Variants in CLASP1 observed in about 807,000 individuals in gnomAD.
The protein encoded by CLASP1 is CLIP-associating protein 1.
Under a neutral mutation model 192.3 loss-of-function variants are expected in CLASP1, and 38 were observed. The ratio of observed to expected loss-of-function variants is 0.20; its 90% CI spans 0.15 to 0.26. The LOEUF (loss-of-function observed/expected upper bound fraction) is 0.26. Among genes scored for constraint, CLASP1 ranks in the 10% least tolerant of loss-of-function variants. The pLI is 1.00. For synonymous variants in CLASP1, 691 were observed against 712.8 expected (o/e 0.97, Z 0.49); for missense variants, 1,433 against 1,932.5 (o/e 0.74, Z 4.85).
rs538289316 is a variant in CLASP1, at chr2:121,341,840, G to A, written c.4531-893C>T. Among the ~76,000 whole-genome samples the A allele has an allele frequency of 5.3e-5, 8 of 152,128 alleles. No homozygotes were observed. The South Asian group carries it at 1.7e-3, about 32-fold the overall frequency. ...ACATTCTTCTCAAGGGACACATTAA[G>A]TTTCAAATCTATTGAAATTTAATTT... On this transcript the variant is annotated intron_variant, in intron 39 of 39. Coordinates refer to ENST00000263710, the Ensembl canonical transcript of CLASP1.
At chr2:121,494,440 G>A (rs1368358502) in intron 8 of CLASP1, among the ~76,000 whole-genome samples, 3 of 152,160 alleles carry the variant, frequency 2.0e-5, no homozygotes, top group African/African-American at 7.2e-5. Flanking sequence ...CCAGTTACCA[G>A]CAGAGCCTGG....
intron 9 of CLASP1, among the ~76,000 whole-genome samples, chr2:121,466,891 G>A (rs549863897): frequency 6.6e-6 from 1 of 152,290 alleles, no homozygotes; most frequent in East Asian, 1.9e-4. Flanking sequence ...GTGCCATGGT[G>A]GTTTGCTGCA....
At chr2:121,382,391 A>G in intron 32 of CLASP1, 67 bp from the exon 34 acceptor site, 1 of 939,920 alleles carries the variant, frequency 1.1e-6, no homozygotes, top group East Asian at 2.7e-5. Flanking sequence ...GGAGGAGGAA[A>G]GCACTACACA....
intron 6 of CLASP1, among the ~76,000 whole-genome samples, chr2:121,522,880 C>T (rs1559508422): frequency 6.6e-6 from 1 of 152,240 alleles, no homozygotes; most frequent in Non-Finnish European, 1.5e-5. Flanking sequence ...CAGAAACCCA[C>T]TGGCACATGG....
At chr2:121,468,954 T>C (rs1268219842) in intron 9 of CLASP1, among the ~76,000 whole-genome samples, 1 of 152,166 alleles carries the variant, frequency 6.6e-6, no homozygotes, top group African/African-American at 2.4e-5. Context: ...TTTTCAGCGC[T>C]TTTGTGTTGA....
chr2:121,353,193 G>C (rs1458461624), intron 37 of CLASP1, among the ~76,000 whole-genome samples: 14 of 152,176 alleles, frequency 9.2e-5, no homozygotes, highest in Non-Finnish European at 1.8e-4. Context: ...GCTAGGTGTT[G>C]GTGGAGGAAT....
At chr2:121,511,061 A>AT (rs1244506664) in intron 7 of CLASP1, among the ~76,000 whole-genome samples, 1 of 152,184 alleles carries the variant, frequency 6.6e-6, no homozygotes, top group Non-Finnish European at 1.5e-5. Flanking sequence ...AGTAGAAAGT[A>AT]TGAGTATGCA....
At chr2:121,378,886 C>G (rs1348224295) in intron 33 of CLASP1, among the ~76,000 whole-genome samples, 1 of 151,682 alleles carries the variant, frequency 6.6e-6, no homozygotes, top group Non-Finnish European at 1.5e-5. Flanking sequence ...CACAACCAAT[C>G]CTGTACATTC....
At position 121,447,324 on chromosome 2, in the gene CLASP1, G is replaced by A. The variant is rs763384107; in HGVS notation, c.1912+13C>T. 7.6e-6 allele frequency: 12 copies of A among 1,585,282 alleles called. No homozygotes were observed. In the South Asian group the frequency reaches 1.2e-4, roughly 15 times the overall value. On this transcript the variant is annotated intron_variant, in intron 19 of 39. Coordinates refer to ENST00000263710, the Ensembl canonical transcript of CLASP1. ...GCAGTGCAGGAGGGAAAGGGTGACA[G>A]GGGTGTGGTTACCTAAGGATGCGTA... is the stretch of plus-strand genomic sequence containing the variant.
At chr2:121,579,759 T>C (rs1034968077) in intron 2 of CLASP1, among the ~76,000 whole-genome samples, 3 of 152,374 alleles carry the variant, frequency 2.0e-5, no homozygotes, top group African/African-American at 7.2e-5. Context: ...TCTGACTGCA[T>C]TGCTAATAAA....
At chr2:121,425,086 C>T in intron 22 of CLASP1, 53 bp downstream of exon 22, 1 of 1,521,496 alleles carries the variant, frequency 6.6e-7, no homozygotes, top group Non-Finnish European at 8.9e-7. Context: ...AGATTATAAT[C>T]AAAACTATGA....
At chr2:121,462,716 C>A in intron 9 of CLASP1, 111 bp from the exon 10 acceptor site, 1 of 665,662 alleles carries the variant, frequency 1.5e-6, no homozygotes. Context: ...AGATTCAGAA[C>A]ATTTTTTTAA....
intron 1 of CLASP1, among the ~76,000 whole-genome samples, chr2:121,632,762 G>C (rs1251944313): frequency 6.6e-6 from 1 of 151,962 alleles, no homozygotes; most frequent in African/African-American, 2.4e-5. Context: ...CAGGCATGGT[G>C]GCACATGCCT....
At chr2:121,472,863 G>A (rs182539934) in intron 8 of CLASP1, among the ~76,000 whole-genome samples, 1 of 152,368 alleles carries the variant, frequency 6.6e-6, no homozygotes, top group Admixed American at 6.5e-5. Flanking sequence ...TAGTGAGACT[G>A]AAGTATGTCT....
rs148698251 is a variant in CLASP1, at chr2:121,395,262, T to C, written c.3123+1878A>G. Among the ~76,000 whole-genome samples, 28 of 152,314 alleles carry C rather than the reference T, an allele frequency of 1.8e-4. 1 individual carries two copies. Among genetic ancestry groups the C allele is most frequent in the African/African-American group, 6.5e-4 (27 of 41,560 alleles). On this transcript the variant is annotated intron_variant, in intron 30 of 39. Coordinates refer to ENST00000263710, the Ensembl canonical transcript of CLASP1. The stretch of plus-strand genomic sequence containing the variant: ...ATTACTGTGAGATAATAAATCTGTA[T>C]TGTTTCAAGCTAAGTATGTGGTAAT...
chr2:121,589,630 CAAAA>C (rs1280970890), intron 2 of CLASP1, among the ~76,000 whole-genome samples: 1 of 64,282 alleles, frequency 1.6e-5, no homozygotes. Context: ...AACTCTGTCT[CAAAA>C]AAAAAAAAAA....
exon 10 of CLASP1, chr2:121,462,557 G>A: frequency 6.2e-7 from 1 of 1,601,722 alleles, no homozygotes; most frequent in East Asian, 2.2e-5. Flanking sequence ...ATCATCAAAT[G>A]CTTTAATAAA....
At chr2:121,533,457 TTG>T (rs769744625) in intron 2 of CLASP1, among the ~76,000 whole-genome samples, 3 of 152,194 alleles carry the variant, frequency 2.0e-5, no homozygotes, top group Non-Finnish European at 4.4e-5. Context: ...TCGTGGGTTG[TTG>T]TGAGGGTTAA....
chr2:121,585,577 T>C (rs538580902), intron 2 of CLASP1, among the ~76,000 whole-genome samples: 15 of 152,270 alleles, frequency 9.9e-5, no homozygotes, highest in African/African-American at 2.9e-4. Context: ...ATTTTCCTTA[T>C]AGAAAGCAAT....
Sources: allele counts gnomAD v4.1 joint callset (sites outside exome capture counted in the v4.1 genomes callset), GRCh38; gene constraint gnomAD v4.1.1; transcripts MANE v1.5; gene names NCBI Gene and HGNC (gene_info 2026-07-23, HGNC 2026-07-21).